Variants in RFC3 observed in about 807,000 individuals in gnomAD.
The protein encoded by RFC3 is A1 38 kDa subunit.
A neutral mutation model predicts 45.1 loss-of-function variants in RFC3; 41 were observed. The observed-to-expected ratio is 0.91, with a 90% confidence interval of 0.71 to 1.18. The LOEUF (loss-of-function observed/expected upper bound fraction) is 1.18. Among genes scored for constraint, RFC3 ranks in the 50% most tolerant of loss-of-function variants. The pLI is 0.00. For missense variants in RFC3, 423 were observed against 428.1 expected (o/e 0.99, Z 0.10); for synonymous variants, 149 against 144.0 (o/e 1.03, Z -0.25).
chr13:33,942,868 T>A (rs1424750444), intron 8 of RFC3, among the ~76,000 whole-genome samples: 1 of 152,190 alleles, frequency 6.6e-6, no homozygotes, highest in Non-Finnish European at 1.5e-5. Context: ...AGAAGTCTGG[T>A]GCCCACCTTT....
downstream of RFC3, among the ~76,000 whole-genome samples, chr13:33,839,549 C>T (rs895100821): frequency 6.6e-6 from 1 of 152,166 alleles, no homozygotes; most frequent in African/African-American, 2.4e-5. Flanking sequence ...AGACATTCTT[C>T]AATTTGTTGT....
intron 8 of RFC3, among the ~76,000 whole-genome samples, chr13:33,919,738 G>A (rs988989210): frequency 6.6e-6 from 1 of 152,028 alleles, no homozygotes; most frequent in South Asian, 2.1e-4. Flanking sequence ...AAATTATATT[G>A]AAGAGTCATG....
chr13:33,836,362 G>A lies in RFC3; in HGVS notation c.*67G>A, dbSNP rs1048693237. 6.4e-7 allele frequency: 1 copy of A among 1,551,188 alleles called. No homozygotes were observed. On this transcript the variant is annotated 3_prime_UTR_variant, in exon 9 of 9. Transcript: ENST00000380071. Reference sequence around the variant, plus strand: ...TTTACATACAGCTTATATTAAAAGAGCTGTGGGTAAATTAACTGAACTTAA... The same window carrying A: ...TTTACATACAGCTTATATTAAAAGAACTGTGGGTAAATTAACTGAACTTAA...
the RFC3 span, among the ~76,000 whole-genome samples, chr13:33,973,621 C>T: frequency 6.6e-6 from 1 of 151,662 alleles, no homozygotes; most frequent in Non-Finnish European, 1.5e-5. Flanking sequence ...TCCTCCTTCT[C>T]CTTCTCCCTC....
intron 8 of RFC3, among the ~76,000 whole-genome samples, chr13:33,933,349 AAAAT>A (rs1288762174): frequency 2.0e-5 from 3 of 152,140 alleles, no homozygotes; most frequent in African/African-American, 7.2e-5. Flanking sequence ...CTATTGTGTT[AAAAT>A]GAACTGCTGG....
chr13:33,824,967 G>T (rs1329660), intron 3 of RFC3, among the ~76,000 whole-genome samples: 9,520 of 152,174 alleles, frequency 0.063, 612 homozygotes, highest in East Asian at 0.16. Flanking sequence ...AACACTGTAG[G>T]TATATTGATC....
At chr13:33,884,107 T>C (rs562955264) in intron 8 of RFC3, among the ~76,000 whole-genome samples, 20 of 152,182 alleles carry the variant, frequency 1.3e-4, no homozygotes, top group Non-Finnish European at 2.5e-4. Flanking sequence ...ATAATTAGCA[T>C]GATCAAAATG....
At chr13:33,969,937 T>G (rs1191924863), downstream of RFC3, among the ~76,000 whole-genome samples, 1 of 152,026 alleles carries the variant, frequency 6.6e-6, no homozygotes, top group East Asian at 1.9e-4. Flanking sequence ...CTTCAACTTT[T>G]ATTTTATGTT....
chr13:33,834,298 G>GTATATATA (rs58858615), intron 7 of RFC3, among the ~76,000 whole-genome samples: 65 of 109,178 alleles, frequency 6.0e-4, no homozygotes, highest in African/African-American at 2.2e-3. Context: ...TGTACTGTGT[G>GTATATATA]TATATATATA....
intron 8 of RFC3, among the ~76,000 whole-genome samples, chr13:33,888,195 G>A (rs928585124): frequency 6.6e-6 from 1 of 152,146 alleles, no homozygotes; most frequent in African/African-American, 2.4e-5. Context: ...TGGGGTGAAA[G>A]CATCATAACT....
chr13:33,896,526 C>A (rs1193682572), intron 8 of RFC3, among the ~76,000 whole-genome samples: 1 of 151,636 alleles, frequency 6.6e-6, no homozygotes, highest in East Asian at 1.9e-4. Flanking sequence ...GAATTTGAGA[C>A]CAGCCTGGCC....
intron 8 of RFC3, among the ~76,000 whole-genome samples, chr13:33,909,075 C>G (rs1336743050): frequency 6.6e-6 from 1 of 152,168 alleles, no homozygotes; most frequent in East Asian, 1.9e-4. Flanking sequence ...CAGGTCCACT[C>G]AAGTTAACAT....
At chr13:33,832,745 C>T (rs2082116125) in intron 7 of RFC3, among the ~76,000 whole-genome samples, 1 of 152,046 alleles carries the variant, frequency 6.6e-6, no homozygotes, top group East Asian at 1.9e-4. Context: ...TAAAGCATGT[C>T]TTAGGTGCCT....
intron 8 of RFC3, among the ~76,000 whole-genome samples, chr13:33,944,141 T>A (rs2082940954): frequency 6.6e-6 from 1 of 152,304 alleles, no homozygotes; most frequent in Non-Finnish European, 1.5e-5. Context: ...ACATTCAAGA[T>A]CATGTATTTT....
intron 3 of RFC3, among the ~76,000 whole-genome samples, chr13:33,825,167 G>C (rs535040058): frequency 1.3e-4 from 20 of 152,278 alleles, no homozygotes; most frequent in South Asian, 4.1e-4. Flanking sequence ...TGGCTTGAGA[G>C]GTCTTTGACT....
At chr13:33,918,225 C>T (rs997052734) in intron 8 of RFC3, among the ~76,000 whole-genome samples, 3 of 152,142 alleles carry the variant, frequency 2.0e-5, no homozygotes, top group Non-Finnish European at 4.4e-5. Context: ...GACAGACATG[C>T]TGCAGATGCC....
chr13:33,854,668 T>C (rs9563851), intron 8 of RFC3, among the ~76,000 whole-genome samples: 9,278 of 152,098 alleles, frequency 0.061, 425 homozygotes, highest in South Asian at 0.15. Context: ...GGTGCAGGTG[T>C]GGCATGGATT....
intron 8 of RFC3, chr13:33,850,956 T>C (rs1276344313): frequency 6.6e-6 from 1 of 152,196 alleles, no homozygotes; most frequent in Non-Finnish European, 1.5e-5. Flanking sequence ...CGGATTTTTT[T>C]CCTCACAAAA....
intron 8 of RFC3, among the ~76,000 whole-genome samples, chr13:33,916,953 T>A (rs773682886): frequency 5.9e-5 from 9 of 152,276 alleles, no homozygotes; most frequent in South Asian, 2.1e-4. Flanking sequence ...AGTTGTTATT[T>A]TGACTTTTTT....
Sources: gnomAD v4.1 joint callset for allele counts (sites outside exome capture counted in the v4.1 genomes callset) on GRCh38, gnomAD v4.1.1 for gene constraint, MANE v1.5 for transcripts, NCBI Gene and HGNC (gene_info 2026-07-23, HGNC 2026-07-21) for gene names.